Variants in TRAPPC9 observed in about 807,000 individuals in gnomAD.
TRAPPC9 encodes the protein IKK2 binding protein.
In TRAPPC9, 83 loss-of-function variants were observed where a neutral mutation model predicts 124.0. That is an observed-to-expected ratio of 0.67 (90% CI 0.56 to 0.80). The LOEUF is 0.80. TRAPPC9 is among the 30% of genes least tolerant of loss of function. The pLI is 0.00. For synonymous variants in TRAPPC9, 638 were observed against 617.5 expected (o/e 1.03, Z -0.49); for missense variants, 1,302 against 1,508.3 (o/e 0.86, Z 2.27).
At chr8:139,856,094 G>A (rs1030158063) in intron 21 of TRAPPC9, among the ~76,000 whole-genome samples, 5 of 152,126 alleles carry the variant, frequency 3.3e-5, no homozygotes, top group Non-Finnish European at 4.4e-5. Flanking sequence ...GGTGACCGAG[G>A]CAACGCACAC....
At chr8:140,021,831 G>T (rs1839852974) in intron 18 of TRAPPC9, among the ~76,000 whole-genome samples, 2 of 152,188 alleles carry the variant, frequency 1.3e-5, no homozygotes, top group South Asian at 2.1e-4. Flanking sequence ...TACAAAAATG[G>T]TAACATGGGT....
rs560602344 is a variant in TRAPPC9 at position 140,247,129 on chromosome 8, G to A, written c.2431+5648C>T. Among the ~76,000 whole-genome samples, 16 of 152,282 alleles carry A rather than the reference G, an allele frequency of 1.1e-4. No individual in the cohort carries two copies. The South Asian group carries it at 3.3e-3, about 32-fold the overall frequency. ...ATTTGGTCTTAGCTATACAAGCAAC[G>A]ATATGTTTAATGTTCACCACAAGTC... On this transcript the variant is annotated intron_variant, in intron 16 of 22. Coordinates refer to ENST00000438773, the MANE Select transcript of TRAPPC9 (RefSeq NM_001160372.4).
chr8:139,850,513 TC>T (rs1827375599), intron 21 of TRAPPC9, among the ~76,000 whole-genome samples: 2 of 152,190 alleles, frequency 1.3e-5, no homozygotes, highest in South Asian at 4.1e-4. Context: ...TCAGAAGTCA[TC>T]ATAATTGTTA....
chr8:140,392,843 G>A (rs1314417063), intron 7 of TRAPPC9, among the ~76,000 whole-genome samples: 1 of 152,178 alleles, frequency 6.6e-6, no homozygotes, highest in Admixed American at 6.5e-5. Context: ...TAAACTGTCT[G>A]TTAATGGGTC....
chr8:139,830,846 G>T (rs1290798530), intron 21 of TRAPPC9, among the ~76,000 whole-genome samples: 1 of 152,194 alleles, frequency 6.6e-6, no homozygotes, highest in Non-Finnish European at 1.5e-5. Context: ...CAAGGCTGCT[G>T]GTGACCACGA....
intron 18 of TRAPPC9, among the ~76,000 whole-genome samples, chr8:140,009,706 A>G (rs1838994831): frequency 6.6e-6 from 1 of 152,248 alleles, no homozygotes; most frequent in African/African-American, 2.4e-5. Flanking sequence ...GTGGCGCAAC[A>G]GCACATTCTC....
At chr8:140,008,670 G>C (rs976279960) in intron 18 of TRAPPC9, 1 of 152,244 alleles carries the variant, frequency 6.6e-6, no homozygotes, top group Non-Finnish European at 1.5e-5. Context: ...CCTCACCTGC[G>C]GCTGTTGTGA....
At position 140,353,858 on chromosome 8, in the gene TRAPPC9, G is replaced by C. The variant is rs74921595; in HGVS notation, c.1495+6192C>G. On this transcript the variant is annotated intron_variant, in intron 9 of 22. Transcript: ENST00000438773. This position sits in a 1 kb window ranked among gnomAD's most constrained non-coding sequence, Gnocchi z 4.2. ...GGTGCTGCTCCAGATATGCGTGACAGTTGGTGTCTTTGAGGAGCTTAGAGG... is the reference window on the plus strand; with the variant it reads ...GGTGCTGCTCCAGATATGCGTGACACTTGGTGTCTTTGAGGAGCTTAGAGG... Among the ~76,000 whole-genome samples, 6,646 of 152,334 alleles carry C rather than the reference G, an allele frequency of 0.044. 299 individuals are homozygous for C. The highest frequency in any genetic ancestry group is 0.11 in the African/African-American group (4,710 of 41,560).
At chr8:140,433,515 A>G (rs2070721049) in intron 4 of TRAPPC9, among the ~76,000 whole-genome samples, 1 of 151,900 alleles carries the variant, frequency 6.6e-6, no homozygotes, top group Non-Finnish European at 1.5e-5. Context: ...ACTAAAACCC[A>G]AGAAGTAGAA....
At chr8:140,178,805 T>C (rs190247779) in intron 17 of TRAPPC9, among the ~76,000 whole-genome samples, 177 of 152,298 alleles carry the variant, frequency 1.2e-3, no homozygotes, top group Admixed American at 0.011. Flanking sequence ...AAGAAAGGGC[T>C]ATTTAGGCAT....
chr8:140,147,915 C>T (rs907481316), intron 17 of TRAPPC9, among the ~76,000 whole-genome samples: 3 of 152,236 alleles, frequency 2.0e-5, no homozygotes, highest in African/African-American at 4.8e-5. Flanking sequence ...GCCAGGCACA[C>T]GGAGGTGCTG....
chr8:140,112,955 T>A (rs1186202904), intron 17 of TRAPPC9, among the ~76,000 whole-genome samples: 1 of 151,408 alleles, frequency 6.6e-6, no homozygotes, highest in East Asian at 1.9e-4. Flanking sequence ...TTCTCCTACC[T>A]CAGCCTCCTG....
intron 17 of TRAPPC9, among the ~76,000 whole-genome samples, chr8:140,126,558 T>C (rs2061102074): frequency 6.6e-6 from 1 of 152,204 alleles, no homozygotes; most frequent in African/African-American, 2.4e-5. Context: ...TGCAGTTGAA[T>C]ACAAGCAGCA....
At chr8:140,085,499 A>G (rs1349920389) in intron 17 of TRAPPC9, among the ~76,000 whole-genome samples, 2 of 152,152 alleles carry the variant, frequency 1.3e-5, no homozygotes. Context: ...GAGAACCACC[A>G]AAACCTCTCT....
At chr8:140,134,182 G>A (rs2061255864) in intron 17 of TRAPPC9, among the ~76,000 whole-genome samples, 1 of 152,160 alleles carries the variant, frequency 6.6e-6, no homozygotes, top group African/African-American at 2.4e-5. Flanking sequence ...TTGTGGTTCT[G>A]ACATAATAAT....
rs568191422 is a variant in TRAPPC9, at chr8:140,156,203, C to G, written c.2556+65256G>C. ...TCCCGCCACCACCTGCTTCGTGTAG[C>G]CTATGATCCCCTGAAGAAAATGATA... is the stretch of plus-strand genomic sequence containing the variant. On this transcript the variant is annotated intron_variant, in intron 17 of 22. Coordinates refer to ENST00000438773, the MANE Select transcript of TRAPPC9 (RefSeq NM_001160372.4). Among the ~76,000 whole-genome samples, 116 of 152,316 alleles carry G rather than the reference C, an allele frequency of 7.6e-4. No homozygotes were observed. In the South Asian group the frequency reaches 0.023, roughly 30 times the overall value.
At chr8:140,248,448 GGTGT>G (rs1176394155) in intron 16 of TRAPPC9, among the ~76,000 whole-genome samples, 2 of 152,194 alleles carry the variant, frequency 1.3e-5, no homozygotes, top group African/African-American at 2.4e-5. Flanking sequence ...GGGATTCCTG[GGTGT>G]GTGTGTTTCC....
At chr8:139,759,294 C>A (rs1820066593) in intron 21 of TRAPPC9, among the ~76,000 whole-genome samples, 1 of 152,172 alleles carries the variant, frequency 6.6e-6, no homozygotes, top group Non-Finnish European at 1.5e-5. Context: ...GGAATACCTG[C>A]CGCTCACTGA....
rs767685695 is a variant in TRAPPC9 at position 140,221,501 on chromosome 8, G to T, written c.2514C>A (p.Asn838Lys). The T allele has an allele frequency of 6.8e-6, 11 of 1,614,124 alleles. No homozygotes were observed. In the South Asian group the frequency reaches 1.2e-4, roughly 18 times the overall value. ...CGCCTGCTTTGTTGCTCTCGGGTGG[G>T]TTCACAGGTTTGCCCTCCACTCGGG... ...VRPRVEGKPV[N>K]PPESNKAGDY... The change falls in exon 17 of 23, where the codon AAC (asparagine) becomes AAA (lysine). Residue 838 changes from asparagine to lysine, a missense_variant. Asn to Lys is a moderately conservative substitution (Grantham distance 94, BLOSUM62 0). This residue lies in a region of TRAPPC9 where 640 missense variants were observed against 679.3 expected (regional missense o/e 0.94). Transcript: ENST00000438773.
Sources: gnomAD v4.1 joint callset for allele counts (sites outside exome capture counted in the v4.1 genomes callset) on GRCh38, gnomAD v4.1.1 for gene constraint, gnomAD v4.1.1 regional missense constraint, Gnocchi (gnomAD v3.1) non-coding constraint, MANE v1.5 for transcripts, NCBI Gene and HGNC (gene_info 2026-07-23, HGNC 2026-07-21) for gene names.